DNAH1: variants seen among roughly 807,000 people sequenced by gnomAD.
The protein encoded by DNAH1 is axonemal beta dynein heavy chain 1.
Under a neutral mutation model 484.3 loss-of-function variants are expected in DNAH1, and 327 were observed. That is an observed-to-expected ratio of 0.68 (90% CI 0.62 to 0.74). The LOEUF is 0.74. Ranked by LOEUF, DNAH1 falls within the 30% of genes least tolerant of loss-of-function variation. DNAH1 has a pLI of 0.00. For missense variants in DNAH1, 5,052 were observed against 5,546.8 expected, an observed-to-expected ratio of 0.91 and a Z score of 2.83; for synonymous variants, 2,192 against 2,191.9, an observed-to-expected ratio of 1.00 and a Z score of 0.00.
At chr3:52,393,785 G>A (rs1406178563) in intron 66 of DNAH1, among the ~76,000 whole-genome samples, 7 of 152,240 alleles carry the variant, frequency 4.6e-5, no homozygotes, top group Admixed American at 3.9e-4. Flanking sequence ...TGTAATCCCA[G>A]CTACTCAGGA....
In DNAH1 at chr3:52,379,201, A is replaced by G. The variant is rs1703734127; in HGVS notation, c.7377+421A>G. Among the ~76,000 whole-genome samples the G allele has an allele frequency of 6.6e-6, 1 of 151,638 alleles. No homozygotes were observed. Among genetic ancestry groups the G allele is most frequent in the South Asian group, 2.1e-4 (1 of 4,804 alleles). On this transcript the variant is annotated intron_variant, in intron 47 of 77. Transcript: ENST00000420323. The surrounding 1 kb of genome is among the most constrained non-coding windows in gnomAD (Gnocchi z 4.4). Reference sequence around the variant, plus strand: ...TAGGCACGGTGGGGGGCCAACATGGAGCTTAAATTTGTTCTGAGGGTGTAA... The same window carrying G: ...TAGGCACGGTGGGGGGCCAACATGGGGCTTAAATTTGTTCTGAGGGTGTAA...
intron 8 of DNAH1, among the ~76,000 whole-genome samples, chr3:52,334,149 A>G (rs1269659876): frequency 6.6e-6 from 1 of 152,236 alleles, no homozygotes; most frequent in Non-Finnish European, 1.5e-5. Flanking sequence ...CCCAGGATAT[A>G]TGGTACAGCC....
chr3:52,326,592 T>A, intron 4 of DNAH1, 143 bp from the exon 5 acceptor site: 1 of 1,081,014 alleles, frequency 9.3e-7, no homozygotes, highest in Admixed American at 2.8e-5. Flanking sequence ...CACTTCCTGA[T>A]GAGTCTCAGA....
intron 56 of DNAH1, 105 bp from the exon 57 acceptor site, chr3:52,388,062 G>A (rs915361001): frequency 2.8e-6 from 4 of 1,417,574 alleles, no homozygotes; most frequent in Non-Finnish European, 3.8e-6. Context: ...GCCTGCACAG[G>A]GCATAAAAGC....
At chr3:52,340,440 A>T (rs192363239) in intron 8 of DNAH1, among the ~76,000 whole-genome samples, 2 of 147,562 alleles carry the variant, frequency 1.4e-5, no homozygotes, top group East Asian at 2.0e-4. Flanking sequence ...TTATTTATTT[A>T]TATTTATTTT....
chr3:52,317,155 C>A (rs562771339), intron 1 of DNAH1, among the ~76,000 whole-genome samples: 2 of 152,332 alleles, frequency 1.3e-5, no homozygotes, highest in African/African-American at 4.8e-5. Context: ...CGTGTTTCTT[C>A]AAACACTTCA....
At chr3:52,328,050 C>T (rs1701415277) in intron 6 of DNAH1, 36 bp downstream of exon 6, 1 of 1,601,258 alleles carries the variant, frequency 6.2e-7, no homozygotes, top group South Asian at 1.1e-5. Flanking sequence ...GACACTATCT[C>T]ATTCCAGTAG....
intron 1 of DNAH1, among the ~76,000 whole-genome samples, chr3:52,318,715 A>G (rs1701038915): frequency 6.6e-6 from 1 of 152,226 alleles, no homozygotes; most frequent in African/African-American, 2.4e-5. Context: ...TGGAGGGGAA[A>G]GACACAGTTG....
At position 52,353,015 on chromosome 3, in the gene DNAH1, G is replaced by T; in HGVS notation, c.3028-88G>T. On this transcript the variant is annotated intron_variant, in intron 18 of 77. Coordinates refer to ENST00000420323, the MANE Select transcript of DNAH1 (RefSeq NM_015512.5). The surrounding 1 kb of genome is among the most constrained non-coding windows in gnomAD (Gnocchi z 5.0). Reference sequence around the variant, plus strand: ...ACATCAGCCAGGAGCAAGGGAGAGGGAGAGGACCTGGCCCAAGAAGGGGCA... The same window carrying T: ...ACATCAGCCAGGAGCAAGGGAGAGGTAGAGGACCTGGCCCAAGAAGGGGCA... 1.5e-6 allele frequency: 2 copies of T among 1,335,004 alleles called. No individual in the cohort carries two copies. The highest frequency in any genetic ancestry group is 1.4e-5 in the South Asian group (1 of 70,226). 82.7% of individuals were successfully genotyped at this position (1,335,004 alleles called of 1,614,324 possible).
At position 52,361,480 on chromosome 3, in the gene DNAH1, G is replaced by T. The variant is rs1259127398; in HGVS notation, c.4874+128G>T. 3 of 1,292,120 alleles carry T rather than the reference G, an allele frequency of 2.3e-6. No individual in the cohort carries two copies. In the Admixed American group the frequency reaches 7.3e-5, roughly 31 times the overall value. 80.0% of individuals were successfully genotyped at this position (1,292,120 alleles called of 1,614,324 possible). A position where few individuals can be genotyped will look rare whatever the true frequency, so the allele number is the denominator to read the frequency against. On this transcript the variant is annotated intron_variant, in intron 29 of 77. Transcript: ENST00000420323. The surrounding 1 kb of genome is among the most constrained non-coding windows in gnomAD (Gnocchi z 5.6). ...GTGGAGGGGACAGAAGGGGGTAATA[G>T]GCATCACGGCTTGGTCCTGGGGGCA...
rs1488593857 is a variant in DNAH1 at position 52,322,757 on chromosome 3, A to G, written c.315A>G (p.Gly105=). 5 of 1,606,296 alleles carry G rather than the reference A, an allele frequency of 3.1e-6. No individual in the cohort carries two copies. Among genetic ancestry groups the G allele is most frequent in the Non-Finnish European group, 3.4e-6 (4 of 1,176,348 alleles). ...RGFYSDILSP[G]TLDQLGEVCR... is the part of the protein sequence containing the mutation. The stretch of plus-strand genomic sequence containing the variant: ...TCTACTCCGACATCCTCAGCCCTGG[A>G]ACCTTAGATCAACTTGGGGTGAGTA... The change falls in exon 2 of 78, where the codon GGA becomes GGG. Residue 105 remains glycine, a synonymous_variant. Coordinates refer to ENST00000420323, the MANE Select transcript of DNAH1 (RefSeq NM_015512.5).
rs138304417 is a variant in DNAH1, at chr3:52,355,070, C to G, written c.3693+15C>G. Reference sequence around the variant, plus strand: ...AGCTGACCCAGGTCGGCCCTCCCCCCAGTCCTTCCCTCATCGCTCCCCCAC... The same window carrying G: ...AGCTGACCCAGGTCGGCCCTCCCCCGAGTCCTTCCCTCATCGCTCCCCCAC... On this transcript the variant is annotated intron_variant, in intron 21 of 77. Coordinates refer to ENST00000420323, the MANE Select transcript of DNAH1 (RefSeq NM_015512.5). This position sits in a 1 kb window ranked among gnomAD's most constrained non-coding sequence, Gnocchi z 4.5. 89 of 1,611,476 alleles carry G rather than the reference C, an allele frequency of 5.5e-5. No individual in the cohort carries two copies. Among genetic ancestry groups the G allele is most frequent in the South Asian group, 2.5e-4 (23 of 91,042 alleles).
rs960771741 is a variant in DNAH1, at chr3:52,326,280, C to T, written c.547C>T (p.Pro183Ser). The T allele has an allele frequency of 2.5e-6, 4 of 1,610,896 alleles. No individual in the cohort carries two copies. Among genetic ancestry groups the T allele is most frequent in the Middle Eastern group, 1.7e-4 (1 of 6,060 alleles). The change falls in exon 4 of 78, where the codon CCA becomes TCA. Residue 183 changes from proline (P) to serine (S), a missense_variant. Coordinates refer to ENST00000420323, the MANE Select transcript of DNAH1 (RefSeq NM_015512.5). ...PKMQVPFQVL[P>S]GQHPRKIEIE... The stretch of plus-strand genomic sequence containing the variant: ...GATGCAGGTGCCTTTCCAGGTGCTG[C>T]CAGGCCAGCATCCTCGCAAGATTGA...
chr3:52,374,434 G>A (rs1233085137), intron 44 of DNAH1: 4 of 1,330,908 alleles, frequency 3.0e-6, no homozygotes, highest in Admixed American at 3.4e-5. Flanking sequence ...CTTCTCAAAT[G>A]CTGGCCAAAG....
intron 75 of DNAH1, 122 bp downstream of exon 75, chr3:52,398,284 T>C: frequency 7.7e-7 from 1 of 1,297,772 alleles, no homozygotes; most frequent in South Asian, 1.6e-5. Context: ...ACTCAGCTAT[T>C]TTTTGTTGTT....
intron 11 of DNAH1, among the ~76,000 whole-genome samples, chr3:52,347,130 G>A (rs1702175532): frequency 6.6e-6 from 1 of 152,220 alleles, no homozygotes; most frequent in Non-Finnish European, 1.5e-5. Context: ...TTTTGGCAGG[G>A]GCCATGATAG....
chr3:52,362,439 G>T lies in DNAH1; in HGVS notation c.5032G>T (p.Ala1678Ser). ...GGAGATCCCACTGGTGCCATCCTGC[G>T]CAGTGTTTATCACCATGAACCCGGG... is the stretch of plus-strand genomic sequence containing the variant. ...GVEIPLVPSCAVFITMNPGYA... is the reference protein window; with the variant it reads ...GVEIPLVPSCSVFITMNPGYA... The change falls in exon 31 of 78, where the codon GCA (alanine) becomes TCA (serine). Residue 1678 changes from alanine to serine, a missense_variant. Transcript: ENST00000420323. This position sits in a 1 kb window ranked among gnomAD's most constrained non-coding sequence, Gnocchi z 5.1. 1 of 1,614,008 alleles carries T rather than the reference G, an allele frequency of 6.2e-7. No individual in the cohort carries two copies. Among genetic ancestry groups the T allele is most frequent in the Non-Finnish European group, 8.5e-7 (1 of 1,179,924 alleles).
At chr3:52,320,746 G>A (rs921207552) in intron 1 of DNAH1, among the ~76,000 whole-genome samples, 1 of 151,988 alleles carries the variant, frequency 6.6e-6, no homozygotes, top group African/African-American at 2.4e-5. Flanking sequence ...GGCTTGCTTG[G>A]GCTAGGCCTC....
intron 8 of DNAH1, among the ~76,000 whole-genome samples, chr3:52,342,462 A>G (rs1247911465): frequency 1.3e-5 from 2 of 152,230 alleles, no homozygotes; most frequent in African/African-American, 4.8e-5. Context: ...GGTGGCTTGA[A>G]CCAGAATAGT....
Sources: gnomAD v4.1 joint callset for allele counts (sites outside exome capture counted in the v4.1 genomes callset) on GRCh38, gnomAD v4.1.1 for gene constraint, Gnocchi (gnomAD v3.1) non-coding constraint, MANE v1.5 for transcripts, NCBI Gene and HGNC (gene_info 2026-07-23, HGNC 2026-07-21) for gene names.